MAGEC3: variants seen among roughly 807,000 people sequenced by gnomAD.
MAGEC3 encodes the protein MAGE family member C3, also known as melanoma-associated antigen C3.
In MAGEC3, 34 loss-of-function variants were observed where a neutral mutation model predicts 35.3. The observed-to-expected ratio is 0.96, with a 90% CI of 0.73 to 1.28. The LOEUF (loss-of-function observed/expected upper bound fraction) is 1.28, where lower values mean the gene tolerates loss of function less well. Among genes scored for constraint, MAGEC3 ranks in the 50% most tolerant of loss-of-function variants. The pLI is 0.00. For synonymous variants in MAGEC3, 202 were observed against 185.6 expected, an observed-to-expected ratio of 1.09 and a Z score of -0.72; for missense variants, 561 against 483.6, an observed-to-expected ratio of 1.16 and a Z score of -1.50.
chrX:141,890,352 G>A (rs746269396), intron 4 of MAGEC3, among the ~76,000 whole-genome samples: 111 of 110,597 alleles, frequency 1.0e-3, no homozygotes, highest in Non-Finnish European at 1.9e-3. Flanking sequence ...CTACAGGTGC[G>A]TGCCACCAAG....
At chrX:141,869,017 G>A (rs973558533) in intron 2 of MAGEC3, among the ~76,000 whole-genome samples, 5 of 109,205 alleles carry the variant, frequency 4.6e-5, no homozygotes, top group African/African-American at 6.7e-5. Flanking sequence ...GAGTAGCTGC[G>A]ACTACAGGTG....
At chrX:141,855,142 T>C (rs2017772445) in intron 1 of MAGEC3, among the ~76,000 whole-genome samples, 1 of 110,822 alleles carries the variant, frequency 9.0e-6, no homozygotes. Flanking sequence ...TCACATTGTG[T>C]AGTTGGCTGT....
chrX:141,895,448 G>T (rs1350531802), intron 5 of MAGEC3, 37 bp from the exon 6 acceptor site: 1 of 1,210,946 alleles, frequency 8.3e-7, no homozygotes. Flanking sequence ...TCGCACCAAG[G>T]ACAGAAGAAG....
At chrX:141,872,495 C>T (rs2017894637) in intron 2 of MAGEC3, among the ~76,000 whole-genome samples, 1 of 111,329 alleles carries the variant, frequency 9.0e-6, no homozygotes, top group Non-Finnish European at 1.9e-5. Flanking sequence ...ACTGCACATC[C>T]CCAAGATTTC....
intron 1 of MAGEC3, among the ~76,000 whole-genome samples, chrX:141,860,072 C>T (rs1046759622): frequency 3.6e-5 from 4 of 111,736 alleles, no homozygotes; most frequent in African/African-American, 9.8e-5. Context: ...CAAGGCTTAG[C>T]AGGGAGTTAG....
intron 1 of MAGEC3, among the ~76,000 whole-genome samples, chrX:141,839,057 G>A (rs2017670559): frequency 1.8e-5 from 2 of 111,419 alleles, no homozygotes; most frequent in South Asian, 7.6e-4. Context: ...GATGGTTGAA[G>A]GGATCTCCTG....
At chrX:141,897,553 C>G (rs769289164) in intron 7 of MAGEC3, 67 bp downstream of exon 7, 3 of 1,194,836 alleles carry the variant, frequency 2.5e-6, no homozygotes, top group Non-Finnish European at 3.4e-6. Flanking sequence ...ACATTGGGTG[C>G]AGAGAAAGTA....
chrX:141,880,883 GC>G, intron 3 of MAGEC3: 1 of 1,008,910 alleles, frequency 9.9e-7, no homozygotes, highest in Non-Finnish European at 1.4e-6. Flanking sequence ...CTCAGCTGAG[GC>G]CACTTGCAGT....
At chrX:141,857,576 G>A (rs769559050) in intron 1 of MAGEC3, among the ~76,000 whole-genome samples, 1 of 111,105 alleles carries the variant, frequency 9.0e-6, no homozygotes, top group Non-Finnish European at 1.9e-5. Context: ...TTATGGAAAC[G>A]TTGCACAGCT....
chrX:141,878,256 C>CAT (rs1001580250), intron 2 of MAGEC3, among the ~76,000 whole-genome samples: 1 of 112,204 alleles, frequency 8.9e-6, no homozygotes, highest in African/African-American at 3.2e-5. Context: ...CCGTTCTTAT[C>CAT]ATACCGACAG....
intron 1 of MAGEC3, among the ~76,000 whole-genome samples, chrX:141,860,735 A>G (rs1055017014): frequency 1.8e-5 from 2 of 112,457 alleles, no homozygotes; most frequent in Admixed American, 9.4e-5. Flanking sequence ...TATGTGAGGT[A>G]TCTAGCATAG....
At chrX:141,895,225 T>C (rs1318716466) in intron 4 of MAGEC3, 44 bp from the exon 5 acceptor site, 4 of 1,179,798 alleles carry the variant, frequency 3.4e-6, no homozygotes, top group South Asian at 3.7e-5. Flanking sequence ...GGGGTGGTTT[T>C]TCCATGGAGA....
intron 1 of MAGEC3, among the ~76,000 whole-genome samples, chrX:141,860,122 C>T (rs141327665): frequency 0.014 from 1,565 of 111,439 alleles, 26 homozygotes; most frequent in African/African-American, 0.048. Flanking sequence ...AACAGTTTTC[C>T]TAAAGGATGG....
At chrX:141,857,489 A>T (rs2017788533) in intron 1 of MAGEC3, among the ~76,000 whole-genome samples, 1 of 111,152 alleles carries the variant, frequency 9.0e-6, no homozygotes, top group African/African-American at 3.3e-5. Flanking sequence ...ATGTCCTAGT[A>T]GTGTCTGCTT....
intron 4 of MAGEC3, among the ~76,000 whole-genome samples, chrX:141,885,049 G>T (rs1351371165): frequency 9.0e-6 from 1 of 111,617 alleles, no homozygotes; most frequent in African/African-American, 3.3e-5. Context: ...TGAGGCAGTT[G>T]CCAGGCAAGA....
rs1476914258 is a variant in MAGEC3, at chrX:141,839,432, G to T, written c.123+994G>T. 6 of 743,702 alleles carry T rather than the reference G, an allele frequency of 8.1e-6. No homozygotes were observed. In the African/African-American group the frequency reaches 1.2e-4, roughly 14 times the overall value. The allele number at this position is 743,702 out of a possible 1,213,427, so 61.3% of individuals were successfully genotyped here. A position where few individuals can be genotyped will look rare whatever the true frequency, so the allele number is the denominator to read the frequency against. On this transcript the variant is annotated intron_variant, in intron 1 of 7. Transcript: ENST00000298296. Reference sequence around the variant, plus strand: ...TGGGCATAAGAAGGATTATGGAGAAGAACGGAGCAAAATAAAAGCTTCATT... The same window carrying T: ...TGGGCATAAGAAGGATTATGGAGAATAACGGAGCAAAATAAAAGCTTCATT...
At chrX:141,855,018 A>G (rs770355044) in intron 1 of MAGEC3, among the ~76,000 whole-genome samples, 55 of 111,556 alleles carry the variant, frequency 4.9e-4, no homozygotes, top group Non-Finnish European at 1.0e-3. Flanking sequence ...TTCAAGAGCA[A>G]AATATAAGTA....
chrX:141,881,938 G>C, intron 4 of MAGEC3, 142 bp downstream of exon 4: 4 of 838,212 alleles, frequency 4.8e-6, no homozygotes, highest in Non-Finnish European at 5.2e-6. Flanking sequence ...GGGTCCTAGA[G>C]CCCATTCAGA....
intron 4 of MAGEC3, among the ~76,000 whole-genome samples, chrX:141,884,400 T>C (rs187267088): frequency 8.9e-6 from 1 of 111,813 alleles, no homozygotes; most frequent in African/African-American, 3.3e-5. Flanking sequence ...GCTTCCTTGC[T>C]CCTCAGCTTG....
Sources: gnomAD v4.1 joint callset for allele counts (sites outside exome capture counted in the v4.1 genomes callset) on GRCh38, gnomAD v4.1.1 for gene constraint, MANE v1.5 for transcripts, NCBI Gene and HGNC (gene_info 2026-07-23, HGNC 2026-07-21) for gene names.